LMAN1L: variants seen among roughly 807,000 people sequenced by gnomAD.
LMAN1L encodes protein ERGIC-53-like.
Under a neutral mutation model 58.3 loss-of-function variants are expected in LMAN1L, and 60 were observed. The observed-to-expected ratio is 1.03, with a 90% CI of 0.84 to 1.27. LMAN1L has a LOEUF of 1.27. Among genes scored for constraint, LMAN1L ranks in the 50% most tolerant of loss-of-function variants. The pLI, the probability that LMAN1L is intolerant of heterozygous loss-of-function variation, is 0.00. For synonymous variants in LMAN1L, 280 were observed against 271.6 expected (o/e 1.03, Z -0.31); for missense variants, 629 against 674.0 (o/e 0.93, Z 0.74).
Position 74,816,139 on chromosome 15 carries a change from A to G in LMAN1L, c.176-18A>G. 6.5e-7 allele frequency: 1 copy of G among 1,543,046 alleles called. No individual in the cohort carries two copies. On this transcript the variant is annotated intron_variant, in intron 1 of 13. Coordinates refer to ENST00000309664, the MANE Select transcript of LMAN1L (RefSeq NM_021819.3). ...GGGGTGTAGTGGAGCCTGGGGCTTG[A>G]GCTGCCCTTGTCCACAGACGCCATC...
chr15:74,820,155 C>A, intron 7 of LMAN1L, 56 bp downstream of exon 7: 1 of 1,448,970 alleles, frequency 6.9e-7, no homozygotes, highest in South Asian at 1.1e-5. Context: ...TGCCCTCACC[C>A]ATGTCATGGT....
intron 6 of LMAN1L, 65 bp from the exon 7 acceptor site, chr15:74,819,979 G>A: frequency 6.8e-7 from 1 of 1,473,748 alleles, no homozygotes; most frequent in Non-Finnish European, 9.5e-7. Flanking sequence ...CGGTTAGGGT[G>A]AAGGCTGAGC....
In LMAN1L at chr15:74,821,119, C is replaced by T. The variant is rs138585415; in HGVS notation, c.952C>T (p.Arg318Trp). 5.3e-4 allele frequency: 839 copies of T among 1,569,192 alleles called. 1 individual carries two copies. The highest frequency in any genetic ancestry group is 6.2e-4 in the Middle Eastern group (3 of 4,854). Residue 318 changes from arginine to tryptophan, a missense_variant, in exon 9 of 14, where the codon CGG becomes TGG. Arg to Trp is a moderately radical substitution (Grantham distance 101). Coordinates refer to ENST00000309664, the MANE Select transcript of LMAN1L (RefSeq NM_021819.3). ...GGAGGAGACGCTGGGCAGACACCGC[C>T]GGATCCTGCAGGCTCTGCGGGGTCT... Reference protein sequence around the residue: ...DLEETLGRHRRILQALRGLSK... With the variant: ...DLEETLGRHRWILQALRGLSK...
rs183255020 is a variant in LMAN1L, at chr15:74,818,168, T to C, written c.498-550T>C. Among the ~76,000 whole-genome samples the C allele has an allele frequency of 6.4e-4, 97 of 152,280 alleles. 1 individual carries two copies. The East Asian group carries it at 0.018, about 28-fold the overall frequency. Reference sequence around the variant, plus strand: ...GGGCCACAGGGAGGCCCCTGGCCCCTTCTGTAAATCCAAGTCCCAACACTC... The same window carrying C: ...GGGCCACAGGGAGGCCCCTGGCCCCCTCTGTAAATCCAAGTCCCAACACTC... On this transcript the variant is annotated intron_variant, in intron 4 of 13. Transcript: ENST00000309664.
At chr15:74,822,616 C>G in intron 10 of LMAN1L, 26 bp from the exon 11 acceptor site, 1 of 1,604,114 alleles carries the variant, frequency 6.2e-7, no homozygotes, top group East Asian at 2.2e-5. Context: ...GTCCTGGGCC[C>G]TAGACAAGAG....
rs1366196618 is a variant in LMAN1L at position 74,825,483 on chromosome 15, C to T, written c.1459C>T (p.Leu487=). The T allele has an allele frequency of 2.5e-6, 4 of 1,610,650 alleles. No homozygotes were observed. Among genetic ancestry groups the T allele is most frequent in the Non-Finnish European group, 3.4e-6 (4 of 1,177,308 alleles). The stretch of plus-strand genomic sequence containing the variant: ...CCTTCTCTCTGGCAGCAGGCAGGAG[C>T]TGAACAAGAGCCTTCAGGAGTGTCT... ...FFGYVHFRQE[L]NKSLQECLST... is the part of the protein sequence containing the mutation. The change falls in exon 14 of 14, where the codon CTG becomes TTG. Residue 487 remains leucine (L), a synonymous_variant. Transcript: ENST00000309664.
At position 74,822,534 on chromosome 15, in the gene LMAN1L, T is replaced by G. The variant is rs962748328; in HGVS notation, c.1132-108T>G. On this transcript the variant is annotated intron_variant, in intron 10 of 13. Coordinates refer to ENST00000309664, the MANE Select transcript of LMAN1L (RefSeq NM_021819.3). Reference sequence around the variant, plus strand: ...TGTCCAAATAAGGAGGCCCTGGTAATCTGGGAAGGCCTCTGGAAGGAAGAG... The same window carrying G: ...TGTCCAAATAAGGAGGCCCTGGTAAGCTGGGAAGGCCTCTGGAAGGAAGAG... 3.7e-6 allele frequency: 3 copies of G among 821,194 alleles called. No homozygotes were observed. In the African/African-American group the frequency reaches 5.1e-5, roughly 14 times the overall value. 50.9% of individuals were successfully genotyped at this position (821,194 alleles called of 1,614,324 possible). A position where few individuals can be genotyped will look rare whatever the true frequency, so the allele number is the denominator to read the frequency against.
intron 1 of LMAN1L, among the ~76,000 whole-genome samples, chr15:74,815,108 C>G (rs892939092): frequency 2.0e-5 from 3 of 152,346 alleles, no homozygotes; most frequent in Middle Eastern, 3.4e-3. Flanking sequence ...CCCAGAGATA[C>G]CAGGCAGAGT....
rs1333120881 is a variant in LMAN1L at position 74,814,620 on chromosome 15, G to A, written c.176-1537G>A. ...GATCTCCTGACCTCGTGATCCGCCCGCCTTGGCCTCCCAAAGTGCTGGGAT... is the reference window on the plus strand; with the variant it reads ...GATCTCCTGACCTCGTGATCCGCCCACCTTGGCCTCCCAAAGTGCTGGGAT... On this transcript the variant is annotated intron_variant, in intron 1 of 13. Coordinates refer to ENST00000309664, the MANE Select transcript of LMAN1L (RefSeq NM_021819.3). Among the ~76,000 whole-genome samples the A allele has an allele frequency of 1.1e-4, 16 of 152,116 alleles. No individual in the cohort carries two copies. The South Asian group carries it at 2.3e-3, about 22-fold the overall frequency.
Position 74,820,718 on chromosome 15 carries a change from C to T in LMAN1L, c.858C>T (p.Gly286=), listed in dbSNP as rs1293554896. Residue 286 remains glycine, a synonymous_variant, in exon 8 of 14, where the codon GGC becomes GGT. Transcript: ENST00000309664. ...LEGLWARLGL[G]TREDVTPKSD... ...GGCTGTGGGCAAGGCTGGGCTTGGG[C>T]ACCAGGGAGGATGTAACTCCAAAAT... 6.2e-7 allele frequency: 1 copy of T among 1,613,746 alleles called. No homozygotes were observed. The highest frequency in any genetic ancestry group is 8.5e-7 in the Non-Finnish European group (1 of 1,179,968).
intron 6 of LMAN1L, chr15:74,819,618 C>A (rs989097058): frequency 2.1e-6 from 1 of 481,986 alleles, no homozygotes; most frequent in South Asian, 3.6e-5. Context: ...CTGAGGGCAA[C>A]CAGAGCGTGG....
chr15:74,824,487 C>T lies in LMAN1L; in HGVS notation c.1451+9C>T, dbSNP rs763436043. ...GGCTACGTGCACTTCAGGTGGGCCACCCCGTGAGCAGGATTTCCCACAGCA... is the reference window on the plus strand; with the variant it reads ...GGCTACGTGCACTTCAGGTGGGCCATCCCGTGAGCAGGATTTCCCACAGCA... On this transcript the variant is annotated intron_variant, in intron 13 of 13. Coordinates refer to ENST00000309664, the MANE Select transcript of LMAN1L (RefSeq NM_021819.3). 1.9e-6 allele frequency: 3 copies of T among 1,613,914 alleles called. No individual in the cohort carries two copies. The highest frequency in any genetic ancestry group is 2.5e-6 in the Non-Finnish European group (3 of 1,179,950).
intron 12 of LMAN1L, chr15:74,824,021 C>T: frequency 2.0e-6 from 1 of 492,816 alleles, no homozygotes; most frequent in Non-Finnish European, 3.6e-6. Flanking sequence ...GTCAGCGCTT[C>T]CCCATGCCCT....
At chr15:74,820,144 C>T in intron 7 of LMAN1L, 45 bp downstream of exon 7, 1 of 1,530,202 alleles carries the variant, frequency 6.5e-7, no homozygotes, top group Non-Finnish European at 9.1e-7. Flanking sequence ...CCCAGGGACC[C>T]TGCCCTCACC....
intron 11 of LMAN1L, 85 bp from the exon 12 acceptor site, chr15:74,823,474 T>A: frequency 4.0e-6 from 6 of 1,500,084 alleles, no homozygotes; most frequent in Non-Finnish European, 5.5e-6. Flanking sequence ...TGTGCTGCCC[T>A]TGGGGAGATG....
At position 74,814,334 on chromosome 15, in the gene LMAN1L, CA is replaced by C. The variant is rs1200223100; in HGVS notation, c.175+1306del. Among the ~76,000 whole-genome samples, 3 of 147,984 alleles carry C rather than the reference CA, an allele frequency of 2.0e-5. No individual in the cohort carries two copies. In the East Asian group the frequency reaches 6.1e-4, roughly 30 times the overall value. On this transcript the variant is annotated intron_variant, in intron 1 of 13. Coordinates refer to ENST00000309664, the MANE Select transcript of LMAN1L (RefSeq NM_021819.3). ...TCAGCCTCCTGAGTAGCTGGGATTA[CA>C]GGTGTGTGCCACCACACGCAGCTAA...
At chr15:74,819,030 G>C in intron 5 of LMAN1L, 122 bp from the exon 6 acceptor site, 1 of 1,221,502 alleles carries the variant, frequency 8.2e-7, no homozygotes. Context: ...CCAGGAGTGC[G>C]GGTCACCTCC....
Position 74,816,288 on chromosome 15 carries a change from G to A in LMAN1L, c.307G>A (p.Gly103Arg). The A allele has an allele frequency of 1.2e-6, 2 of 1,612,354 alleles. No homozygotes were observed. The highest frequency in any genetic ancestry group is 1.7e-6 in the Non-Finnish European group (2 of 1,179,698). The change falls in exon 2 of 14, where the codon GGG becomes AGG. Residue 103 changes from glycine to arginine, a missense_variant. Gly to Arg is a moderately radical substitution (Grantham distance 125, BLOSUM62 -2). Coordinates refer to ENST00000309664, the MANE Select transcript of LMAN1L (RefSeq NM_021819.3). ...VEVQMRVTGL[G>R]RRGAQGMAVW... ...GGTGCAGATGAGGGTGACGGGACTG[G>A]GGCGCCGGGGAGCCCAGGGCATGGT... is the stretch of plus-strand genomic sequence containing the variant.
Position 74,819,286 on chromosome 15 carries a change from T to A in LMAN1L, c.718+14T>A. 1.2e-6 allele frequency: 2 copies of A among 1,613,712 alleles called. No homozygotes were observed. The highest frequency in any genetic ancestry group is 1.1e-5 in the South Asian group (1 of 91,040). On this transcript the variant is annotated intron_variant, in intron 6 of 13. Coordinates refer to ENST00000309664, the MANE Select transcript of LMAN1L (RefSeq NM_021819.3). ...GCACCCTGGCAGGTGAGGATCCCAC[T>A]GGACAGGTAAGAGCAGAAGGGCAGT...
Sources: gnomAD v4.1 joint callset for allele counts (sites outside exome capture counted in the v4.1 genomes callset) on GRCh38, gnomAD v4.1.1 for gene constraint, MANE v1.5 for transcripts, NCBI Gene and HGNC (gene_info 2026-07-23, HGNC 2026-07-21) for gene names.